The following DRC2 variants were observed in gnomAD, a reference collection of about 807,000 sequenced individuals.
DRC2 encodes the protein dynein regulatory complex subunit 2, also known as coiled-coil domain containing 65.
the DRC2 span, among the ~76,000 whole-genome samples, chr12:48,913,910 G>A: frequency 2.0e-5 from 3 of 146,592 alleles, no homozygotes; most frequent in Non-Finnish European, 3.0e-5. Context: ...ACAGGTGTGA[G>A]CCACCGTGCC....
chr12:48,915,179 C>T, the DRC2 span, among the ~76,000 whole-genome samples: 1 of 145,516 alleles, frequency 6.9e-6, no homozygotes, highest in Non-Finnish European at 1.5e-5. Flanking sequence ...GGCAGGGTCA[C>T]AGGACAATAG....
chr12:48,904,321 C>T, the DRC2 span: 10 of 1,608,076 alleles, frequency 6.2e-6, no homozygotes, highest in Non-Finnish European at 8.5e-6. Context: ...TTTCCCGGAT[C>T]CAATCCCCTG....
the DRC2 span, among the ~76,000 whole-genome samples, chr12:48,919,500 C>G: frequency 6.6e-6 from 1 of 151,446 alleles, no homozygotes; most frequent in South Asian, 2.1e-4. Flanking sequence ...GTTGAGCTCC[C>G]CCTTACATTT....
At chr12:48,912,098 A>G in the DRC2 span, among the ~76,000 whole-genome samples, 1 of 152,024 alleles carries the variant, frequency 6.6e-6, no homozygotes, top group Non-Finnish European at 1.5e-5. Flanking sequence ...TCTCTACTAA[A>G]AAATATAAAA....
the DRC2 span, chr12:48,918,008 C>T: frequency 2.5e-6 from 1 of 395,138 alleles, no homozygotes; most frequent in East Asian, 4.3e-5. Flanking sequence ...CACTGGGCCA[C>T]ATTTCCAAAT....
At chr12:48,905,561 T>C in the DRC2 span, among the ~76,000 whole-genome samples, 3 of 152,186 alleles carry the variant, frequency 2.0e-5, no homozygotes, top group Non-Finnish European at 1.5e-5. Context: ...TCAACTTCAG[T>C]GGCCCTGGAT....
the DRC2 span, among the ~76,000 whole-genome samples, chr12:48,917,299 C>T: frequency 2.3e-4 from 31 of 134,246 alleles, no homozygotes; most frequent in African/African-American, 8.1e-4. Flanking sequence ...ACCGGCCCCC[C>T]CAAAAAAGAA....
At chr12:48,913,004 G>A in the DRC2 span, among the ~76,000 whole-genome samples, 1 of 151,658 alleles carries the variant, frequency 6.6e-6, no homozygotes, top group Non-Finnish European at 1.5e-5. Flanking sequence ...GGTCGTGGTG[G>A]CATGCATCTG....
At chr12:48,918,952 C>A in the DRC2 span, 1 of 1,460,896 alleles carries the variant, frequency 6.8e-7, no homozygotes, top group Non-Finnish European at 9.5e-7. Context: ...AACCTGCCTC[C>A]CTGCAAAGTG....
At chr12:48,915,225 G>C in the DRC2 span, among the ~76,000 whole-genome samples, 1 of 150,078 alleles carries the variant, frequency 6.7e-6, no homozygotes, top group Non-Finnish European at 1.5e-5. Flanking sequence ...AGTGAACAAA[G>C]GTCTCTGGTT....
At chr12:48,915,696 A>C in the DRC2 span, among the ~76,000 whole-genome samples, 2 of 151,770 alleles carry the variant, frequency 1.3e-5, no homozygotes, top group Non-Finnish European at 2.9e-5. Context: ...GGCCGGGCAG[A>C]GGGGCTCCTC....
chr12:48,905,086 G>A, the DRC2 span: 9 of 1,612,296 alleles, frequency 5.6e-6, no homozygotes, highest in African/African-American at 1.2e-4. Context: ...TTGAACGAGT[G>A]GTGGACTGTA....
the DRC2 span, chr12:48,904,480 T>C: frequency 1.2e-6 from 2 of 1,613,296 alleles, no homozygotes; most frequent in Admixed American, 1.7e-5. Context: ...TGATGGCCTT[T>C]TGCATTATGT....
the DRC2 span, chr12:48,918,820 C>T: frequency 9.3e-6 from 15 of 1,613,956 alleles, no homozygotes; most frequent in African/African-American, 2.7e-5. Context: ...AACTCAGGCC[C>T]GGGCAGCATC....
At chr12:48,911,739 A>G in the DRC2 span, among the ~76,000 whole-genome samples, 2 of 152,112 alleles carry the variant, frequency 1.3e-5, no homozygotes, top group Non-Finnish European at 2.9e-5. Flanking sequence ...ATCTGGGATT[A>G]CAGGTGTGAG....
the DRC2 span, chr12:48,921,206 A>G: frequency 9.9e-6 from 16 of 1,614,182 alleles, no homozygotes; most frequent in African/African-American, 1.7e-4. Context: ...ATTTCTGGAA[A>G]AGGTACAACA....
At chr12:48,920,441 TAA>T in the DRC2 span, among the ~76,000 whole-genome samples, 19 of 67,794 alleles carry the variant, frequency 2.8e-4, no homozygotes, top group Admixed American at 4.6e-4. Flanking sequence ...AACTCCATCT[TAA>T]AAAAAAAAAA....
chr12:48,904,422 A>T, the DRC2 span: 1 of 1,614,068 alleles, frequency 6.2e-7, no homozygotes, highest in Non-Finnish European at 8.5e-7. Flanking sequence ...CTGGCAGAGG[A>T]GGAGATGGCC....
chr12:48,918,908 C>T, the DRC2 span: 1 of 1,604,578 alleles, frequency 6.2e-7, no homozygotes, highest in South Asian at 1.1e-5. Context: ...GATAAGGTAA[C>T]ACAGGGGAGA....
Sources: allele counts gnomAD v4.1 joint callset (sites outside exome capture counted in the v4.1 genomes callset), GRCh38; gene constraint gnomAD v4.1.1; transcripts MANE v1.5; gene names NCBI Gene and HGNC (gene_info 2026-07-23, HGNC 2026-07-21).